Variants in ZHX3 observed in about 807,000 individuals in gnomAD.
ZHX3 encodes the protein zinc fingers and homeoboxes 3.
ZHX3 carries 20 observed loss-of-function variants against 64.5 expected under a neutral mutation model. That is an observed-to-expected ratio of 0.31 (90% CI 0.22 to 0.45). ZHX3 has a LOEUF of 0.45. Ranked by LOEUF, ZHX3 falls within the 20% of genes least tolerant of loss-of-function variation. The pLI is 1.00. For synonymous variants in ZHX3, 423 were observed against 461.6 expected, an observed-to-expected ratio of 0.92 and a Z score of 1.07; for missense variants, 1,041 against 1,195.8, an observed-to-expected ratio of 0.87 and a Z score of 1.91.
chr20:41,258,408 C>T (rs1457612530), intron 2 of ZHX3, among the ~76,000 whole-genome samples: 5 of 152,050 alleles, frequency 3.3e-5, no homozygotes, highest in Non-Finnish European at 7.4e-5. Context: ...TTTTTTCTAC[C>T]GATGTCCCTT....
intron 3 of ZHX3, among the ~76,000 whole-genome samples, chr20:41,196,406 ATATTATATAT>A (rs1308688631): frequency 3.6e-4 from 25 of 68,902 alleles, no homozygotes; most frequent in South Asian, 1.7e-3. Flanking sequence ...TATATATTAT[ATATTATATAT>A]AATATATATT....
intron 1 of ZHX3, chr20:41,271,802 C>A (rs555175708): frequency 6.6e-6 from 1 of 152,182 alleles, no homozygotes; most frequent in Non-Finnish European, 1.5e-5. Context: ...TTCGTTTTTG[C>A]ACAGGCTCTG....
chr20:41,233,047 A>G (rs2040729786), intron 2 of ZHX3, among the ~76,000 whole-genome samples: 1 of 152,246 alleles, frequency 6.6e-6, no homozygotes, highest in African/African-American at 2.4e-5. Context: ...AGGAGGTACC[A>G]GGAAGCCTGT....
In ZHX3 at chr20:41,280,788, T is replaced by G. The variant is rs1209388191; in HGVS notation, c.-244-11705A>C. Among the ~76,000 whole-genome samples, 3 of 151,930 alleles carry G rather than the reference T, an allele frequency of 2.0e-5. No individual in the cohort carries two copies. The East Asian group carries it at 5.8e-4, about 29-fold the overall frequency. On this transcript the variant is annotated intron_variant, in intron 1 of 3. Coordinates refer to ENST00000683867, the MANE Select transcript of ZHX3 (RefSeq NM_001384317.1). ...GCATAACCAAAGACAAAAGTAGTGA[T>G]TTAGAAGATCAAACTGATGAATTCT...
chr20:41,192,186 G>A (rs893329835), intron 3 of ZHX3, among the ~76,000 whole-genome samples: 11 of 152,180 alleles, frequency 7.2e-5, no homozygotes, highest in Admixed American at 5.9e-4. Context: ...GTACATACAG[G>A]TAGTAGTGGC....
intron 3 of ZHX3, among the ~76,000 whole-genome samples, chr20:41,199,832 C>T (rs2038074225): frequency 6.6e-6 from 1 of 152,000 alleles, no homozygotes; most frequent in African/African-American, 2.4e-5. Context: ...TCCCAAATAG[C>T]TGGGATTACA....
chr20:41,231,502 T>C (rs573124964), intron 2 of ZHX3, among the ~76,000 whole-genome samples: 2 of 152,362 alleles, frequency 1.3e-5, no homozygotes, highest in African/African-American at 4.8e-5. Context: ...ACATCTTTAG[T>C]GAAGCCTTTC....
At chr20:41,313,797 C>T (rs941711968) in intron 1 of ZHX3, among the ~76,000 whole-genome samples, 7 of 152,084 alleles carry the variant, frequency 4.6e-5, no homozygotes, top group Non-Finnish European at 8.8e-5. Flanking sequence ...GGGGTTTCAC[C>T]GTGTTAGCCA....
chr20:41,190,979 A>G (rs771452605), intron 3 of ZHX3, among the ~76,000 whole-genome samples: 3 of 152,198 alleles, frequency 2.0e-5, no homozygotes, highest in Non-Finnish European at 4.4e-5. Flanking sequence ...CTGACTTTAG[A>G]GAGTCTGACT....
At chr20:41,207,954 TAA>T (rs1166151044) in intron 2 of ZHX3, among the ~76,000 whole-genome samples, 4 of 151,404 alleles carry the variant, frequency 2.6e-5, no homozygotes, top group Admixed American at 1.3e-4. Flanking sequence ...GCAAGACTAA[TAA>T]AGAAGAAAAG....
At chr20:41,314,963 G>C (rs1381995473) in intron 1 of ZHX3, among the ~76,000 whole-genome samples, 3 of 152,216 alleles carry the variant, frequency 2.0e-5, no homozygotes, top group African/African-American at 4.8e-5. Context: ...ATGAGGGAGA[G>C]AGACAATACA....
chr20:41,221,956 G>C (rs1208074532), intron 2 of ZHX3, among the ~76,000 whole-genome samples: 4 of 152,230 alleles, frequency 2.6e-5, no homozygotes, highest in Non-Finnish European at 4.4e-5. Context: ...ATCCATGCAG[G>C]TCCACTGCCA....
At chr20:41,253,280 A>T (rs1189371105) in intron 2 of ZHX3, among the ~76,000 whole-genome samples, 3 of 151,374 alleles carry the variant, frequency 2.0e-5, no homozygotes, top group African/African-American at 7.3e-5. Context: ...TTGGAGTAAA[A>T]GTGTCCCTAT....
At position 41,210,804 on chromosome 20, in the gene ZHX3, T is replaced by C. The variant is rs1600791088; in HGVS notation, c.-150-5738A>G. Among the ~76,000 whole-genome samples the C allele has an allele frequency of 2.6e-5, 4 of 152,150 alleles. No homozygotes were observed. In the South Asian group the frequency reaches 8.3e-4, roughly 32 times the overall value. On this transcript the variant is annotated intron_variant, in intron 2 of 3. Coordinates refer to ENST00000683867, the MANE Select transcript of ZHX3 (RefSeq NM_001384317.1). ...TGTATACCTATGTAACAAACCTGCA[T>C]GTTGTGCACATGTACCCTAAAACTT...
At chr20:41,301,766 C>T (rs2044815901) in intron 1 of ZHX3, among the ~76,000 whole-genome samples, 1 of 152,108 alleles carries the variant, frequency 6.6e-6, no homozygotes, top group Non-Finnish European at 1.5e-5. Context: ...TATAAAGGAA[C>T]AGGCCAGGCC....
chr20:41,302,446 T>TC (rs2044850727), intron 1 of ZHX3, among the ~76,000 whole-genome samples: 1 of 152,124 alleles, frequency 6.6e-6, no homozygotes, highest in East Asian at 1.9e-4. Flanking sequence ...CAGGAACAAG[T>TC]CCTAGGCCCC....
chr20:41,227,327 T>C (rs1395824664), intron 2 of ZHX3, among the ~76,000 whole-genome samples: 1 of 152,242 alleles, frequency 6.6e-6, no homozygotes, highest in Non-Finnish European at 1.5e-5. Flanking sequence ...TAGTGCTCAG[T>C]ACCTGAGCCT....
chr20:41,248,341 T>C (rs1340303534), intron 2 of ZHX3, among the ~76,000 whole-genome samples: 1 of 152,156 alleles, frequency 6.6e-6, no homozygotes, highest in Non-Finnish European at 1.5e-5. Flanking sequence ...TGTAATTCAC[T>C]GACCATTATT....
In ZHX3 at chr20:41,203,112, C is replaced by T. The variant is rs1486491461; in HGVS notation, c.1805G>A (p.Arg602Gln). 5.0e-6 allele frequency: 8 copies of T among 1,613,994 alleles called. No homozygotes were observed. Among genetic ancestry groups the T allele is most frequent in the South Asian group, 4.4e-5 (4 of 91,050 alleles). The change falls in exon 3 of 4, where the codon CGA becomes CAA. Residue 602 changes from arginine (R) to glutamine (Q), a missense_variant. By Grantham distance (43) the Arg-to-Gln change is conservative. This residue lies in a region of ZHX3 where 649 missense variants were observed against 739.8 expected (regional missense o/e 0.88). Coordinates refer to ENST00000683867, the MANE Select transcript of ZHX3 (RefSeq NM_001384317.1). This position sits in a 1 kb window ranked among gnomAD's most constrained non-coding sequence, Gnocchi z 7.1. ...GTCAGGAGTCTGGTGCCAAGATTGT[C>T]GTTTGGCAGAAGGGTGGGTTGCTAG... is the stretch of plus-strand genomic sequence containing the variant. ...ATLATHPSAK[R>Q]QSWHQTPDFT...
Sources: allele counts gnomAD v4.1 joint callset (sites outside exome capture counted in the v4.1 genomes callset), GRCh38; gene constraint gnomAD v4.1.1; regional missense constraint gnomAD v4.1.1; non-coding constraint Gnocchi (gnomAD v3.1); transcripts MANE v1.5; gene names NCBI Gene and HGNC (gene_info 2026-07-23, HGNC 2026-07-21).